MAP4: variants seen among roughly 807,000 people sequenced by gnomAD.
MAP4 encodes microtubule-associated protein 4.
Under a neutral mutation model 170.2 loss-of-function variants are expected in MAP4, and 76 were observed. The observed-to-expected ratio is 0.45, with a 90% CI of 0.37 to 0.54. The LOEUF (loss-of-function observed/expected upper bound fraction) is 0.54, where lower values mean the gene tolerates loss of function less well. MAP4 is among the 20% of genes least tolerant of loss of function. MAP4 has a pLI of 0.00. For missense variants in MAP4, 2,506 were observed against 2,748.0 expected (o/e 0.91, Z 1.97); for synonymous variants, 909 against 994.5 (o/e 0.91, Z 1.62).
At chr3:47,898,938 C>T (rs1234445074) in intron 10 of MAP4, among the ~76,000 whole-genome samples, 2 of 152,086 alleles carry the variant, frequency 1.3e-5, no homozygotes, top group Admixed American at 6.5e-5. Flanking sequence ...CCAGCCTGAG[C>T]GACAGAGACC....
chr3:48,001,476 T>C (rs755670034), intron 1 of MAP4, among the ~76,000 whole-genome samples: 15 of 152,192 alleles, frequency 9.9e-5, no homozygotes, highest in Admixed American at 5.9e-4. Context: ...TTTTAAATGA[T>C]TATCTTTTCA....
intron 3 of MAP4, among the ~76,000 whole-genome samples, chr3:47,972,715 C>T (rs9860485): frequency 0.39 from 59,839 of 151,600 alleles, 13,036 homozygotes; most frequent in African/African-American, 0.59. Context: ...TGAAACCCCG[C>T]CTCTACTAAA....
At chr3:47,854,852 G>A (rs777279541) in intron 19 of MAP4, among the ~76,000 whole-genome samples, 2 of 151,936 alleles carry the variant, frequency 1.3e-5, no homozygotes, top group Non-Finnish European at 2.9e-5. Flanking sequence ...CCCAGGAGCG[G>A]AGCCTGACAT....
chr3:47,975,481 TAGAG>T (rs1559667311), intron 3 of MAP4: 2 of 1,547,114 alleles, frequency 1.3e-6, no homozygotes, highest in South Asian at 2.4e-5. Flanking sequence ...AGGAGAAAAA[TAGAG>T]AGGGAGGAAG....
At chr3:47,991,847 T>G (rs1364441667) in intron 2 of MAP4, among the ~76,000 whole-genome samples, 1 of 151,910 alleles carries the variant, frequency 6.6e-6, no homozygotes, top group Non-Finnish European at 1.5e-5. Context: ...TTTTTTGTGT[T>G]TTTAGTAGAG....
chr3:47,866,691 T>G (rs2080967740), intron 17 of MAP4, among the ~76,000 whole-genome samples: 1 of 152,046 alleles, frequency 6.6e-6, no homozygotes, highest in Non-Finnish European at 1.5e-5. Flanking sequence ...GAGGTGGTGG[T>G]TGCAGTGAGC....
chr3:48,033,142 T>C (rs1183390155), intron 1 of MAP4, among the ~76,000 whole-genome samples: 2 of 152,226 alleles, frequency 1.3e-5, no homozygotes, highest in Non-Finnish European at 2.9e-5. Context: ...AAAAGTAGAA[T>C]TTCTTTTCTG....
Position 47,979,603 on chromosome 3 carries a change from C to T in MAP4, c.224-1670G>A, listed in dbSNP as rs1436632131. ...CCCCAAGTAGCTGGGACTACAGGCA[C>T]GTGCCACCACGTCCAGCTAATTTTT... On this transcript the variant is annotated intron_variant, in intron 2 of 20. Transcript: ENST00000683076. Among the ~76,000 whole-genome samples, 5 of 151,936 alleles carry T rather than the reference C, an allele frequency of 3.3e-5. No homozygotes were observed. In the East Asian group the frequency reaches 9.7e-4, roughly 29 times the overall value.
At chr3:47,935,589 G>A (rs2100052246) in intron 3 of MAP4, among the ~76,000 whole-genome samples, 2 of 151,950 alleles carry the variant, frequency 1.3e-5, no homozygotes, top group South Asian at 4.2e-4. Context: ...CAGGCCCAAA[G>A]CCCTTTTGGA....
intron 1 of MAP4, among the ~76,000 whole-genome samples, chr3:48,005,211 A>G (rs1413742615): frequency 6.6e-6 from 1 of 152,118 alleles, no homozygotes; most frequent in East Asian, 1.9e-4. Flanking sequence ...AATACAAAAA[A>G]TTAGCCGGGC....
At position 47,888,120 on chromosome 3, in the gene MAP4, C is replaced by G. The variant is rs28482816; in HGVS notation, c.5435-10597G>C. Among the ~76,000 whole-genome samples the G allele has an allele frequency of 8.5e-3, 1,296 of 152,266 alleles. 18 individuals carry two copies. Among genetic ancestry groups the G allele is most frequent in the South Asian group, 0.032 (154 of 4,824 alleles). ...CTGTGTGTCGAAACTCTGTATCTAACTAATCTGATGGGGACACGGAGAACC... is the reference window on the plus strand; with the variant it reads ...CTGTGTGTCGAAACTCTGTATCTAAGTAATCTGATGGGGACACGGAGAACC... On this transcript the variant is annotated intron_variant, in intron 10 of 20. Transcript: ENST00000683076.
chr3:48,031,675 C>T (rs891282062), intron 1 of MAP4, among the ~76,000 whole-genome samples: 3 of 151,126 alleles, frequency 2.0e-5, no homozygotes, highest in East Asian at 3.9e-4. Flanking sequence ...CGGTAAGCCA[C>T]GATCGTGCCA....
At chr3:47,925,688 C>T (rs1395598090) in intron 4 of MAP4, among the ~76,000 whole-genome samples, 2 of 151,966 alleles carry the variant, frequency 1.3e-5, no homozygotes, top group Non-Finnish European at 2.9e-5. Flanking sequence ...TTTATAGAGA[C>T]AAAAAGCAAA....
intron 3 of MAP4, among the ~76,000 whole-genome samples, chr3:47,942,670 TCAAA>T (rs749269828): frequency 5.3e-5 from 8 of 152,138 alleles, no homozygotes; most frequent in Non-Finnish European, 1.0e-4. Flanking sequence ...GATTATTAGA[TCAAA>T]CAAAGGTGAC....
At chr3:48,065,594 C>T (rs144730738) in intron 1 of MAP4, among the ~76,000 whole-genome samples, 2 of 152,188 alleles carry the variant, frequency 1.3e-5, no homozygotes, top group African/African-American at 4.8e-5. Context: ...TATATAGAAG[C>T]CTGCCTTGGT....
intron 1 of MAP4, among the ~76,000 whole-genome samples, chr3:48,087,275 A>G (rs1277662501): frequency 1.3e-5 from 2 of 152,242 alleles, no homozygotes; most frequent in Admixed American, 6.5e-5. Flanking sequence ...CACACTGCAC[A>G]GTACAGATGG....
intron 3 of MAP4, among the ~76,000 whole-genome samples, chr3:47,950,983 G>A (rs1287124820): frequency 1.3e-5 from 2 of 152,074 alleles, no homozygotes; most frequent in African/African-American, 2.4e-5. Context: ...ACCTAATCAT[G>A]GTTCACATAC....
At chr3:47,858,010 C>T (rs982714361) in intron 17 of MAP4, among the ~76,000 whole-genome samples, 1 of 149,652 alleles carries the variant, frequency 6.7e-6, no homozygotes, top group African/African-American at 2.5e-5. Flanking sequence ...AGCCACCACG[C>T]CTGGCCTTCA....
intron 1 of MAP4, among the ~76,000 whole-genome samples, chr3:48,087,434 T>C (rs776485090): frequency 1.3e-5 from 2 of 152,042 alleles, no homozygotes; most frequent in Non-Finnish European, 2.9e-5. Context: ...TTGAATCTCT[T>C]TGGGCTGATG....
Sources: allele counts gnomAD v4.1 joint callset (sites outside exome capture counted in the v4.1 genomes callset), GRCh38; gene constraint gnomAD v4.1.1; transcripts MANE v1.5; gene names NCBI Gene and HGNC (gene_info 2026-07-23, HGNC 2026-07-21).